The following MND1 variants were observed in gnomAD, a reference collection of about 807,000 sequenced individuals.
MND1 encodes meiotic nuclear division protein 1 homolog.
A neutral mutation model predicts 35.1 loss-of-function variants in MND1; 28 were observed. The ratio of observed to expected loss-of-function variants is 0.80; its 90% CI spans 0.59 to 1.09. MND1 has a LOEUF of 1.09. MND1 is among the 50% of genes least tolerant of loss of function. The pLI, the probability that MND1 is intolerant of heterozygous loss-of-function variation, is 0.00. For missense variants in MND1, 213 were observed against 239.6 expected (o/e 0.89, Z 0.73); for synonymous variants, 69 against 70.5 (o/e 0.98, Z 0.11).
intron 4 of MND1, chr4:153,381,706 T>A (rs1396641344): frequency 4.8e-4 from 30 of 62,322 alleles, no homozygotes; most frequent in African/African-American, 1.8e-3. Flanking sequence ...TTTTTTTTTT[T>A]TTTTTTTTTT....
At chr4:153,373,068 A>G (rs34007404) in intron 4 of MND1, among the ~76,000 whole-genome samples, 4,522 of 148,464 alleles carry the variant, frequency 0.03, 103 homozygotes, top group Non-Finnish European at 0.05. Flanking sequence ...TTTACTTTTA[A>G]TCTTTTTGTA....
At chr4:153,393,668 C>T (rs1464015019) in intron 4 of MND1, among the ~76,000 whole-genome samples, 3 of 151,786 alleles carry the variant, frequency 2.0e-5, no homozygotes, top group Non-Finnish European at 2.9e-5. Flanking sequence ...CATGAGTCAC[C>T]GTGCTTGGCC....
At chr4:153,392,609 A>T (rs1300908636) in intron 4 of MND1, among the ~76,000 whole-genome samples, 4 of 152,194 alleles carry the variant, frequency 2.6e-5, no homozygotes, top group Non-Finnish European at 5.9e-5. Context: ...CCCTGTGATT[A>T]TTTGTTCCCT....
At chr4:153,396,795 T>C (rs1275025830) in intron 5 of MND1, among the ~76,000 whole-genome samples, 1 of 152,122 alleles carries the variant, frequency 6.6e-6, no homozygotes, top group Non-Finnish European at 1.5e-5. Context: ...TGAAAAATTG[T>C]CTAGAACACT....
chr4:153,362,785 G>C (rs1438888293), intron 4 of MND1, among the ~76,000 whole-genome samples: 1 of 151,970 alleles, frequency 6.6e-6, no homozygotes, highest in Non-Finnish European at 1.5e-5. Context: ...TTAGTCTGTG[G>C]GAGCCACAGA....
At chr4:153,387,228 T>TA (rs1728893918) in intron 4 of MND1, among the ~76,000 whole-genome samples, 1 of 152,180 alleles carries the variant, frequency 6.6e-6, no homozygotes, top group Admixed American at 6.5e-5. Flanking sequence ...TTCTAGCTTT[T>TA]AAAAAACTCA....
chr4:153,398,514 C>T (rs1050963188), intron 6 of MND1, among the ~76,000 whole-genome samples: 2 of 152,174 alleles, frequency 1.3e-5, no homozygotes, highest in Non-Finnish European at 2.9e-5. Context: ...AGAGACAGGT[C>T]GCTGCTTTGC....
intron 3 of MND1, among the ~76,000 whole-genome samples, chr4:153,356,328 G>A (rs754977314): frequency 9.2e-5 from 14 of 152,068 alleles, no homozygotes; most frequent in Non-Finnish European, 1.3e-4. Context: ...GGCCAAGGCA[G>A]TTGGATCATG....
chr4:153,368,968 A>T (rs1773724967), intron 4 of MND1, among the ~76,000 whole-genome samples: 1 of 152,226 alleles, frequency 6.6e-6, no homozygotes. Context: ...GAATCCCAGC[A>T]TGGCTTAGTT....
At chr4:153,352,467 C>T (rs573697743) in intron 2 of MND1, among the ~76,000 whole-genome samples, 86 of 152,294 alleles carry the variant, frequency 5.6e-4, no homozygotes, top group Non-Finnish European at 4.9e-4. Context: ...CTCTCTATGT[C>T]TGTTTCTTCA....
At position 153,389,616 on chromosome 4, in the gene MND1, C is replaced by T. The variant is rs573561252; in HGVS notation, c.277-4646C>T. ...CCTCAAGTGATCCACCTGCCTTGGCCTCTCAAAGTGCTGGGATTACTGGTG... is the reference window on the plus strand; with the variant it reads ...CCTCAAGTGATCCACCTGCCTTGGCTTCTCAAAGTGCTGGGATTACTGGTG... On this transcript the variant is annotated intron_variant, in intron 4 of 7. Transcript: ENST00000240488. Among the ~76,000 whole-genome samples, 8 of 152,296 alleles carry T rather than the reference C, an allele frequency of 5.3e-5. No homozygotes were observed. The South Asian group carries it at 1.7e-3, about 32-fold the overall frequency.
intron 4 of MND1, among the ~76,000 whole-genome samples, chr4:153,386,300 G>C (rs1419379616): frequency 6.6e-6 from 1 of 150,592 alleles, no homozygotes; most frequent in Non-Finnish European, 1.5e-5. Flanking sequence ...AGACCAGCCT[G>C]GGCAACATAG....
At chr4:153,378,335 T>A (rs755135402) in intron 4 of MND1, among the ~76,000 whole-genome samples, 8 of 152,218 alleles carry the variant, frequency 5.3e-5, no homozygotes, top group Non-Finnish European at 8.8e-5. Flanking sequence ...TGTGAATTTT[T>A]AACTTTTTTT....
chr4:153,344,667 A>G, upstream of MND1: 1 of 1,397,018 alleles, frequency 7.2e-7, no homozygotes, highest in Non-Finnish European at 9.7e-7. Flanking sequence ...CCAAAATCAA[A>G]CGCGTCCTGG....
intron 4 of MND1, among the ~76,000 whole-genome samples, chr4:153,377,664 G>A (rs1728547455): frequency 2.0e-5 from 3 of 152,266 alleles, no homozygotes; most frequent in South Asian, 4.1e-4. Flanking sequence ...AGGCTTTATA[G>A]TTAAGGAGAC....
intron 6 of MND1, among the ~76,000 whole-genome samples, chr4:153,404,174 CTTTTTTTTTTTTT>C (rs71598277): frequency 1.4e-5 from 1 of 73,778 alleles, no homozygotes; most frequent in Non-Finnish European, 2.5e-5. Flanking sequence ...AAAATTGGTT[CTTTTTTTTTTTTT>C]TTTTTTTTTT....
chr4:153,345,430 G>T, intron 1 of MND1: 1 of 985,530 alleles, frequency 1.0e-6, no homozygotes, highest in Non-Finnish European at 1.2e-6. Context: ...TGCTGGTTGT[G>T]TAGGGCGCTG....
chr4:153,409,018 A>G lies in MND1; in HGVS notation c.511+3A>G. 7.3e-7 allele frequency: 1 copy of G among 1,378,056 alleles called. No homozygotes were observed. The highest frequency in any genetic ancestry group is 9.4e-7 in the Non-Finnish European group (1 of 1,059,158). 85.4% of individuals were successfully genotyped at this position (1,378,056 alleles called of 1,614,324 possible). ...AGAAGCTGCTAACAGATGGACTGGT[A>G]TGTACTATAATAATGCTGATAAACT... On this transcript the variant is annotated splice_donor_region_variant and intron_variant, in intron 7 of 7. Coordinates refer to ENST00000240488, the MANE Select transcript of MND1 (RefSeq NM_032117.4).
intron 6 of MND1, among the ~76,000 whole-genome samples, chr4:153,398,204 G>T (rs1228834424): frequency 6.6e-6 from 1 of 152,102 alleles, no homozygotes; most frequent in Non-Finnish European, 1.5e-5. Context: ...GGAGATAAAA[G>T]AGTGTATTAT....
Sources: allele counts gnomAD v4.1 joint callset (sites outside exome capture counted in the v4.1 genomes callset), GRCh38; gene constraint gnomAD v4.1.1; transcripts MANE v1.5; gene names NCBI Gene and HGNC (gene_info 2026-07-23, HGNC 2026-07-21).